Variants in ERCC8 observed in about 807,000 individuals in gnomAD.
The protein encoded by ERCC8 is ERCC excision repair 8, CSA ubiquitin ligase complex subunit.
ERCC8 carries 52 observed loss-of-function variants against 54.9 expected under a neutral mutation model. That is an observed-to-expected ratio of 0.95 (90% CI 0.76 to 1.19). The LOEUF (loss-of-function observed/expected upper bound fraction) is 1.19. ERCC8 is among the 50% of genes most tolerant of loss of function. The pLI is 0.00. For synonymous variants in ERCC8, 146 were observed against 157.2 expected (o/e 0.93, Z 0.53); for missense variants, 514 against 466.1 (o/e 1.10, Z -0.95).
rs1023656227 is a variant in ERCC8, at chr5:60,871,266, C to G, written c.*3349G>C. ...ACAACTGGGGGACATTCACAAAATG[C>G]AGTATGATGCAGTTAACAAAAAGAA... is the stretch of plus-strand genomic sequence containing the variant. On this transcript the variant is annotated 3_prime_UTR_variant, in exon 12 of 12. Coordinates refer to ENST00000676185, the MANE Select transcript of ERCC8 (RefSeq NM_000082.4). 5.3e-5 allele frequency among the ~76,000 whole-genome samples: 8 copies of G among 152,150 alleles called. No homozygotes were observed. The highest frequency in any genetic ancestry group is 1.9e-4 in the African/African-American group (8 of 41,432).
In ERCC8 at chr5:60,918,271, T is replaced by C. The variant is rs1034870223; in HGVS notation, c.393A>G (p.Thr131=). Residue 131 remains threonine, a synonymous_variant, in exon 4 of 12, where the codon ACA becomes ACG. Coordinates refer to ENST00000676185, the MANE Select transcript of ERCC8 (RefSeq NM_000082.4). ...AATGTTTTAATGTACTTACTTGTAA[T>C]GTATTTGTATCCCATACTTTCAGAG... The part of the protein sequence containing the change: ...DKTLKVWDTN[T]LQTADVFNFE... 26 of 1,595,722 alleles carry C rather than the reference T, an allele frequency of 1.6e-5. No homozygotes were observed. The highest frequency in any genetic ancestry group is 2.1e-5 in the Non-Finnish European group (25 of 1,164,112).
At chr5:60,903,573 T>C (rs1748962120) in intron 6 of ERCC8, 75 bp downstream of exon 6, 3 of 1,597,178 alleles carry the variant, frequency 1.9e-6, no homozygotes, top group Non-Finnish European at 2.6e-6. Flanking sequence ...TTACAAAGAA[T>C]ACACTGTTAG....
At chr5:60,892,949 C>T in intron 9 of ERCC8, 1 of 759,120 alleles carries the variant, frequency 1.3e-6, no homozygotes, top group East Asian at 2.5e-5. Context: ...AATAGTTCCC[C>T]AGAACCCTCA....
intron 9 of ERCC8, among the ~76,000 whole-genome samples, chr5:60,894,710 C>T (rs948697141): frequency 6.6e-6 from 1 of 152,090 alleles, no homozygotes; most frequent in African/African-American, 2.4e-5. Context: ...TAGGTAAACA[C>T]TAATGCAAAT....
intron 1 of ERCC8, among the ~76,000 whole-genome samples, chr5:60,940,767 T>C (rs544588143): frequency 6.6e-6 from 1 of 152,328 alleles, no homozygotes; most frequent in Non-Finnish European, 1.5e-5. Context: ...CATAAGTAGG[T>C]AGGTTCTTGT....
intron 11 of ERCC8, among the ~76,000 whole-genome samples, chr5:60,881,659 C>A (rs981319313): frequency 2.0e-5 from 3 of 152,204 alleles, no homozygotes; most frequent in African/African-American, 7.2e-5. Flanking sequence ...CCCTCCGAGC[C>A]AGGCGCAGGA....
At chr5:60,927,764 A>G (rs1749793513) in intron 2 of ERCC8, among the ~76,000 whole-genome samples, 1 of 152,196 alleles carries the variant, frequency 6.6e-6, no homozygotes, top group African/African-American at 2.4e-5. Flanking sequence ...CTTGAATAGA[A>G]GGTGTTACAC....
intron 11 of ERCC8, among the ~76,000 whole-genome samples, chr5:60,881,515 G>T (rs1278780560): frequency 6.6e-6 from 1 of 152,220 alleles, no homozygotes; most frequent in Non-Finnish European, 1.5e-5. Flanking sequence ...CACCCAGTTT[G>T]ATCTTCCCAG....
At chr5:60,929,041 T>C (rs1414358987) in intron 1 of ERCC8, 82 bp from the exon 2 acceptor site, 1 of 817,302 alleles carries the variant, frequency 1.2e-6, no homozygotes, top group Non-Finnish European at 2.1e-6. Flanking sequence ...TTACTTATGG[T>C]ACAAAAATCA....
rs34324683 is a variant in ERCC8 at position 60,886,066 on chromosome 5, G to GTATA, written c.1122+1370_1122+1373dup. On this transcript the variant is annotated intron_variant, in intron 11 of 11. Coordinates refer to ENST00000676185, the MANE Select transcript of ERCC8 (RefSeq NM_000082.4). ...TAAAGAACTATATGTATATATATAT[G>GTATA]TATATATATACAAACATTGTTTTTA... Among the ~76,000 whole-genome samples, 1,170 of 151,092 alleles carry GTATA rather than the reference G, an allele frequency of 7.7e-3. 12 individuals carry two copies. Among genetic ancestry groups the GTATA allele is most frequent in the African/African-American group, 0.027 (1,107 of 41,128 alleles).
chr5:60,912,498 C>T (rs150633142), intron 4 of ERCC8, among the ~76,000 whole-genome samples: 2,176 of 152,148 alleles, frequency 0.014, 22 homozygotes, highest in South Asian at 0.035. Flanking sequence ...TGGGCTCAGA[C>T]GATGGGGTTT....
rs1468753125 is a variant in ERCC8 at position 60,870,382 on chromosome 5, G to A, written c.*4233C>T. On this transcript the variant is annotated 3_prime_UTR_variant, in exon 12 of 12. Transcript: ENST00000676185. ...AGTCAGGCCCGGCACGGTGGCTCAC[G>A]CCTGTAAATCCCAGCACTTTGGGAG... 6.8e-6 allele frequency among the ~76,000 whole-genome samples: 1 copy of A among 147,854 alleles called. No homozygotes were observed. The highest frequency in any genetic ancestry group is 1.5e-5 in the Non-Finnish European group (1 of 67,618).
At chr5:60,893,604 T>A in intron 9 of ERCC8, 3 of 622,616 alleles carry the variant, frequency 4.8e-6, no homozygotes, top group Non-Finnish European at 8.8e-6. Flanking sequence ...GCAGATAGGT[T>A]CGAATCCGCT....
intron 4 of ERCC8, 186 bp downstream of exon 4, chr5:60,918,079 C>A (rs989781003): frequency 3.5e-6 from 2 of 577,682 alleles, no homozygotes; most frequent in African/African-American, 1.9e-5. Flanking sequence ...GACATTTGCC[C>A]AATGTCATAC....
chr5:60,944,198 T>G (rs1186985579), intron 1 of ERCC8, among the ~76,000 whole-genome samples: 2 of 152,180 alleles, frequency 1.3e-5, no homozygotes, highest in Admixed American at 6.5e-5. Context: ...GCCTGTTGAT[T>G]CTATTTCTCA....
chr5:60,910,764 T>C (rs1339660997), intron 4 of ERCC8, among the ~76,000 whole-genome samples: 1 of 152,160 alleles, frequency 6.6e-6, no homozygotes, highest in African/African-American at 2.4e-5. Flanking sequence ...TCTAATAATT[T>C]GGCTATAGAT....
chr5:60,872,480 C>T lies in ERCC8; in HGVS notation c.*2135G>A, dbSNP rs1270250671. On this transcript the variant is annotated 3_prime_UTR_variant, in exon 12 of 12. Coordinates refer to ENST00000676185, the MANE Select transcript of ERCC8 (RefSeq NM_000082.4). ...AACCCATTTAAAAATGGGCAAAGAA[C>T]CTGAAAAGACAGTTCTCAAAAGAAG... 2.6e-5 allele frequency among the ~76,000 whole-genome samples: 4 copies of T among 152,020 alleles called. No individual in the cohort carries two copies. The highest frequency in any genetic ancestry group is 9.7e-5 in the African/African-American group (4 of 41,392).
chr5:60,878,007 T>A (rs1371463886), intron 11 of ERCC8, among the ~76,000 whole-genome samples: 1 of 152,160 alleles, frequency 6.6e-6, no homozygotes, highest in Non-Finnish European at 1.5e-5. Flanking sequence ...TGGCTGTGGG[T>A]TTGTCATAGA....
intron 1 of ERCC8, 105 bp downstream of exon 1, chr5:60,944,827 T>C (rs546866583): frequency 2.8e-4 from 226 of 820,914 alleles, no homozygotes; most frequent in Non-Finnish European, 4.4e-4. Flanking sequence ...CAAATAATAG[T>C]TTGGTGGCAG....
Sources: allele counts gnomAD v4.1 joint callset (sites outside exome capture counted in the v4.1 genomes callset), GRCh38; gene constraint gnomAD v4.1.1; transcripts MANE v1.5; gene names NCBI Gene and HGNC (gene_info 2026-07-23, HGNC 2026-07-21).